The following NKAIN2 variants were observed in gnomAD, a reference collection of about 807,000 sequenced individuals.
NKAIN2 encodes the protein sodium/potassium-transporting ATPase subunit beta-1-interacting protein 2.
Under a neutral mutation model 32.6 loss-of-function variants are expected in NKAIN2, and 14 were observed. The observed-to-expected ratio is 0.43, with a 90% CI of 0.28 to 0.67. NKAIN2 has a LOEUF of 0.67. Ranked by LOEUF, NKAIN2 falls within the 30% of genes least tolerant of loss-of-function variation. The pLI is 0.17. For synonymous variants in NKAIN2, 80 were observed against 87.2 expected (o/e 0.92, Z 0.46); for missense variants, 198 against 258.3 (o/e 0.77, Z 1.60).
At chr6:124,512,807 AT>A in intron 3 of NKAIN2, among the ~76,000 whole-genome samples, 1 of 152,220 alleles carries the variant, frequency 6.6e-6, no homozygotes, top group East Asian at 1.9e-4. Context: ...TACCCTGATA[AT>A]TTTTCTGGGT....
chr6:124,252,450 G>A (rs1238590639), intron 1 of NKAIN2, among the ~76,000 whole-genome samples: 1 of 152,062 alleles, frequency 6.6e-6, no homozygotes, highest in Non-Finnish European at 1.5e-5. Flanking sequence ...TTACCTGAAG[G>A]AGGAAGATGA....
chr6:124,578,655 G>A (rs1286653606), intron 3 of NKAIN2, among the ~76,000 whole-genome samples: 1 of 152,040 alleles, frequency 6.6e-6, no homozygotes, highest in Non-Finnish European at 1.5e-5. Flanking sequence ...TCATCACCCT[G>A]AAGGGAAGAA....
intron 2 of NKAIN2, among the ~76,000 whole-genome samples, chr6:124,312,933 G>A (rs550824166): frequency 1.3e-5 from 2 of 152,104 alleles, no homozygotes; most frequent in African/African-American, 2.4e-5. Context: ...TTAGAGTCAC[G>A]CCTTGGGCAG....
Position 124,170,925 on chromosome 6 carries a change from C to A in NKAIN2, c.55-112080C>A. Among the ~76,000 whole-genome samples, 2 of 152,090 alleles carry A rather than the reference C, an allele frequency of 1.3e-5. 1 individual carries two copies. Among genetic ancestry groups the A allele is most frequent in the Admixed American group, 1.3e-4 (2 of 15,272 alleles). ...TTCTTTATAAGTTTTTTCCCCAATT[C>A]AAAGCTTACCTTTTCACTCTGGTAA... On this transcript the variant is annotated intron_variant, in intron 1 of 6. Coordinates refer to ENST00000368417, the MANE Select transcript of NKAIN2 (RefSeq NM_001040214.3).
intron 4 of NKAIN2, among the ~76,000 whole-genome samples, chr6:124,788,293 A>G (rs889053073): frequency 6.6e-6 from 1 of 152,114 alleles, no homozygotes; most frequent in African/African-American, 2.4e-5. Flanking sequence ...AACACATAAC[A>G]GCCTCAATAA....
At chr6:124,172,453 G>A (rs553477138) in intron 1 of NKAIN2, among the ~76,000 whole-genome samples, 310 of 152,200 alleles carry the variant, frequency 2.0e-3, no homozygotes, top group African/African-American at 7.1e-3. Context: ...TGGAGTGTAT[G>A]TACCATCTTG....
intron 1 of NKAIN2, among the ~76,000 whole-genome samples, chr6:124,051,945 C>T (rs564870266): frequency 1.6e-4 from 24 of 152,080 alleles, no homozygotes; most frequent in African/African-American, 5.8e-4. Context: ...TGCCATGTGA[C>T]AATTAATCAC....
At chr6:124,328,737 C>T (rs766614181) in intron 2 of NKAIN2, among the ~76,000 whole-genome samples, 2 of 152,274 alleles carry the variant, frequency 1.3e-5, no homozygotes, top group African/African-American at 4.8e-5. Flanking sequence ...GGCGTTTGTA[C>T]TCCCCGTGGA....
In NKAIN2 at chr6:123,803,945, T is replaced by G. The variant is rs1026566839; in HGVS notation, c.-256T>G. ...CCGAGCGCGCCTCCGCAGGCGGCAC[T>G]GCCCGCGGCGCGGCGTGTGCACCGA... On this transcript the variant is annotated 5_prime_UTR_variant, in exon 1 of 7. Transcript: ENST00000368417. Among the ~76,000 whole-genome samples the G allele has an allele frequency of 9.3e-5, 14 of 150,244 alleles. No individual in the cohort carries two copies. The highest frequency in any genetic ancestry group is 5.9e-5 in the Non-Finnish European group (4 of 67,390).
chr6:124,017,138 C>T (rs1303088403), intron 1 of NKAIN2, among the ~76,000 whole-genome samples: 1 of 152,184 alleles, frequency 6.6e-6, no homozygotes, highest in African/African-American at 2.4e-5. Context: ...CCTGTCTTAA[C>T]ATGGCAGTAG....
intron 3 of NKAIN2, among the ~76,000 whole-genome samples, chr6:124,369,880 ATTTT>A (rs61588781): frequency 4.9e-5 from 4 of 82,384 alleles, no homozygotes; most frequent in African/African-American, 5.7e-5. Flanking sequence ...CAGAATGTCA[ATTTT>A]TTTTTTTTTT....
Position 124,598,112 on chromosome 6 carries a change from A to G in NKAIN2, c.274-60074A>G, listed in dbSNP as rs530071975. On this transcript the variant is annotated intron_variant, in intron 3 of 6. Transcript: ENST00000368417. ...TTCAAGAAAAATTTCCTAGATGGATAATTTCTTCCTCTAAAAATACTTCTG... is the reference window on the plus strand; with the variant it reads ...TTCAAGAAAAATTTCCTAGATGGATGATTTCTTCCTCTAAAAATACTTCTG... Among the ~76,000 whole-genome samples the G allele has an allele frequency of 1.3e-5, 2 of 152,300 alleles. 1 individual carries two copies. The highest frequency in any genetic ancestry group is 4.1e-4 in the South Asian group (2 of 4,830).
chr6:124,054,058 A>C (rs1450116301), intron 1 of NKAIN2, among the ~76,000 whole-genome samples: 1 of 152,098 alleles, frequency 6.6e-6, no homozygotes, highest in African/African-American at 2.4e-5. Context: ...TATATGTATT[A>C]TCTATGTCAT....
intron 2 of NKAIN2, among the ~76,000 whole-genome samples, chr6:124,288,296 C>T (rs777799129): frequency 2.6e-5 from 4 of 152,168 alleles, no homozygotes; most frequent in Non-Finnish European, 4.4e-5. Context: ...CAGTGAACTG[C>T]CTCTTAGAGG....
chr6:124,572,031 A>G (rs1293112604), intron 3 of NKAIN2, among the ~76,000 whole-genome samples: 1 of 147,004 alleles, frequency 6.8e-6, no homozygotes, highest in African/African-American at 2.7e-5. Context: ...ATCAGTGACT[A>G]TCCCATCACC....
intron 3 of NKAIN2, among the ~76,000 whole-genome samples, chr6:124,649,294 A>C (rs1784283583): frequency 6.6e-6 from 1 of 152,214 alleles, no homozygotes; most frequent in African/African-American, 2.4e-5. Flanking sequence ...CAGGAATATA[A>C]CTACAGATAT....
intron 3 of NKAIN2, among the ~76,000 whole-genome samples, chr6:124,487,744 A>C (rs1242156603): frequency 6.6e-6 from 1 of 152,032 alleles, no homozygotes; most frequent in African/African-American, 2.4e-5. Context: ...GGAGTTTTGC[A>C]ATATTAGGAC....
chr6:124,411,688 T>C (rs755477384), intron 3 of NKAIN2, among the ~76,000 whole-genome samples: 6 of 152,178 alleles, frequency 3.9e-5, no homozygotes, highest in Non-Finnish European at 7.4e-5. Context: ...AGGAGTATCT[T>C]TGTGGCGTTC....
chr6:123,804,084 G>A lies in NKAIN2; in HGVS notation c.-117G>A, dbSNP rs1028436072. The A allele has an allele frequency of 2.2e-6, 2 of 912,686 alleles. No homozygotes were observed. Among genetic ancestry groups the A allele is most frequent in the Admixed American group, 1.7e-5 (1 of 58,708 alleles). The allele number at this position is 912,686 out of a possible 1,614,324, so 56.5% of individuals were successfully genotyped here. On this transcript the variant is annotated 5_prime_UTR_variant, in exon 1 of 7. Coordinates refer to ENST00000368417, the MANE Select transcript of NKAIN2 (RefSeq NM_001040214.3). ...GGACGCTGGCAGCAGCAGCAGCCCG[G>A]AGCCCCCGAGCCCTCGGCAGGTTTG...
Sources: allele counts gnomAD v4.1 joint callset (sites outside exome capture counted in the v4.1 genomes callset), GRCh38; gene constraint gnomAD v4.1.1; transcripts MANE v1.5; gene names NCBI Gene and HGNC (gene_info 2026-07-23, HGNC 2026-07-21).